The following GRAMD1B variants were observed in gnomAD, a reference collection of about 807,000 sequenced individuals.
GRAMD1B encodes the protein GRAM domain containing 1B.
A neutral mutation model predicts 99.7 loss-of-function variants in GRAMD1B; 37 were observed. The observed-to-expected ratio is 0.37, with a 90% CI of 0.29 to 0.49. The LOEUF (loss-of-function observed/expected upper bound fraction) is 0.49. Ranked by LOEUF, GRAMD1B falls within the 20% of genes least tolerant of loss-of-function variation. The probability of loss-of-function intolerance (pLI) is 0.98; values close to 1 mark genes in which losing one functional copy is unlikely to be tolerated. For synonymous variants in GRAMD1B, 427 were observed against 387.6 expected, an observed-to-expected ratio of 1.10 and a Z score of -1.19; for missense variants, 888 against 1,009.2, an observed-to-expected ratio of 0.88 and a Z score of 1.63.
chr11:123,520,368 C>A (rs575136489), intron 2 of GRAMD1B, among the ~76,000 whole-genome samples: 2 of 152,126 alleles, frequency 1.3e-5, no homozygotes, highest in Non-Finnish European at 2.9e-5. Context: ...GTGCCCTACC[C>A]CCTCTTTATC....
chr11:123,502,774 C>CAAAAAAAAA (rs34321315), intron 2 of GRAMD1B, among the ~76,000 whole-genome samples: 1 of 98,478 alleles, frequency 1.0e-5, no homozygotes, highest in Non-Finnish European at 2.0e-5. Context: ...GACTCCATCT[C>CAAAAAAAAA]AAAAAAAAAA....
chr11:123,408,130 T>C (rs1001015712), intron 1 of GRAMD1B, among the ~76,000 whole-genome samples: 12 of 152,218 alleles, frequency 7.9e-5, no homozygotes, highest in Non-Finnish European at 1.3e-4. Context: ...TGTAGCCTAA[T>C]GGTAAATCCT....
intron 9 of GRAMD1B, among the ~76,000 whole-genome samples, chr11:123,604,309 G>A (rs908003364): frequency 6.6e-6 from 1 of 152,226 alleles, no homozygotes; most frequent in Non-Finnish European, 1.5e-5. Flanking sequence ...CTGCCTGGGA[G>A]CACTCAGTGA....
chr11:123,505,439 G>A (rs574108990), intron 2 of GRAMD1B, among the ~76,000 whole-genome samples: 1 of 152,142 alleles, frequency 6.6e-6, no homozygotes, highest in Non-Finnish European at 1.5e-5. Flanking sequence ...CTGCTCTGGG[G>A]TAAGAGGTCA....
intron 2 of GRAMD1B, among the ~76,000 whole-genome samples, chr11:123,526,857 ACCTTCCAT>A (rs1489596012): frequency 6.6e-6 from 1 of 151,808 alleles, no homozygotes; most frequent in Non-Finnish European, 1.5e-5. Flanking sequence ...GAATATTTTT[ACCTTCCAT>A]TTAAAAAATA....
chr11:123,529,387 C>T (rs1943122357), intron 2 of GRAMD1B, among the ~76,000 whole-genome samples: 1 of 152,180 alleles, frequency 6.6e-6, no homozygotes, highest in South Asian at 2.1e-4. Flanking sequence ...ACTGAGGATG[C>T]TTTTGGATGA....
intron 1 of GRAMD1B, among the ~76,000 whole-genome samples, chr11:123,455,683 T>G (rs1272213980): frequency 6.6e-6 from 1 of 152,186 alleles, no homozygotes; most frequent in Non-Finnish European, 1.5e-5. Context: ...TTCTTCAGCT[T>G]TATTGTCTTT....
chr11:123,517,011 C>A (rs1312584807), intron 2 of GRAMD1B, among the ~76,000 whole-genome samples: 1 of 152,196 alleles, frequency 6.6e-6, no homozygotes, highest in African/African-American at 2.4e-5. Context: ...CCTCCACCTT[C>A]TGGGCTCAAG....
chr11:123,566,771 CAA>C (rs797015346), intron 2 of GRAMD1B, among the ~76,000 whole-genome samples: 16 of 125,826 alleles, frequency 1.3e-4, no homozygotes, highest in Admixed American at 7.9e-5. Context: ...ATCTCAAAAG[CAA>C]AAAAAAAAAA....
chr11:123,510,189 GC>G lies in GRAMD1B; in HGVS notation c.452+29299del, dbSNP rs1344592504. On this transcript the variant is annotated intron_variant, in intron 2 of 19. Transcript: ENST00000635736. The surrounding 1 kb of genome is among the most constrained non-coding windows in gnomAD (Gnocchi z 4.3). ...CTTCTTGAGGTTCTCACACCCGCCTGCCCGCCACCAGCTGCTGACCTTCTCC... is the reference window on the plus strand; with the variant it reads ...CTTCTTGAGGTTCTCACACCCGCCTGCCGCCACCAGCTGCTGACCTTCTCC... Among the ~76,000 whole-genome samples, 1 of 152,146 alleles carries G rather than the reference GC, an allele frequency of 6.6e-6. No homozygotes were observed. Among genetic ancestry groups the G allele is most frequent in the East Asian group, 1.9e-4 (1 of 5,186 alleles).
chr11:123,475,182 A>G (rs1009020359), intron 1 of GRAMD1B, among the ~76,000 whole-genome samples: 7 of 152,124 alleles, frequency 4.6e-5, no homozygotes, highest in Non-Finnish European at 8.8e-5. Flanking sequence ...GGAGGGAGGA[A>G]GGGAGATCAC....
In GRAMD1B at chr11:123,420,753, A is replaced by G. The variant is rs539264007; in HGVS notation, c.-175-60063A>G. ...AAAAGAGAGCAATAGTGAAGTGGAGAAAACACTGGTTTGGGATTCAGAATA... is the reference window on the plus strand; with the variant it reads ...AAAAGAGAGCAATAGTGAAGTGGAGGAAACACTGGTTTGGGATTCAGAATA... On this transcript the variant is annotated intron_variant, in intron 1 of 20. Coordinates refer to the GRAMD1B transcript ENST00000638157. 1.3e-4 allele frequency among the ~76,000 whole-genome samples: 20 copies of G among 152,378 alleles called. No homozygotes were observed. The South Asian group carries it at 4.1e-3, about 32-fold the overall frequency.
At chr11:123,487,428 A>C (rs993334106) in intron 2 of GRAMD1B, among the ~76,000 whole-genome samples, 1 of 152,208 alleles carries the variant, frequency 6.6e-6, no homozygotes, top group African/African-American at 2.4e-5. Flanking sequence ...ATGTTCGGGA[A>C]CCACAAATAC....
intron 1 of GRAMD1B, among the ~76,000 whole-genome samples, chr11:123,383,117 G>A (rs996299907): frequency 1.1e-4 from 16 of 152,132 alleles, no homozygotes; most frequent in African/African-American, 3.6e-4. Context: ...ATGGTAGGTC[G>A]GGTAAAATCT....
At chr11:123,573,394 G>T (rs941316703) in intron 2 of GRAMD1B, among the ~76,000 whole-genome samples, 9 of 152,228 alleles carry the variant, frequency 5.9e-5, no homozygotes, top group African/African-American at 1.7e-4. Flanking sequence ...GGAAAAGAGA[G>T]AATGGATTGA....
rs535212586 is a variant in GRAMD1B, at chr11:123,364,451, T to C, written c.-176+5652T>C. Among the ~76,000 whole-genome samples the C allele has an allele frequency of 4.6e-5, 7 of 152,346 alleles. No individual in the cohort carries two copies. In the East Asian group the frequency reaches 1.3e-3, roughly 29 times the overall value. ...AGGAAAGGCAGGATTGACAGTCTAT[T>C]AAGGGGAAGACAGAAGCCGCTATCC... On this transcript the variant is annotated intron_variant, in intron 1 of 20. Transcript: ENST00000638157.
intron 1 of GRAMD1B, among the ~76,000 whole-genome samples, chr11:123,453,988 A>C (rs1273079503): frequency 1.3e-5 from 2 of 152,230 alleles, no homozygotes; most frequent in East Asian, 3.8e-4. Context: ...CCATGCCAAC[A>C]CTGTTCCTCA....
In GRAMD1B at chr11:123,436,772, C is replaced by CT. The variant is rs550041307; in HGVS notation, c.374+5609dup. On this transcript the variant is annotated intron_variant, in intron 1 of 19. Coordinates refer to ENST00000635736, the MANE Select transcript of GRAMD1B (RefSeq NM_001387025.1). Reference sequence around the variant, plus strand: ...GACGGCACAATTTTTTTTTATTATACTTTAAGTTTTAGGGTACATGTGCAC... The same window carrying CT: ...GACGGCACAATTTTTTTTTATTATACTTTTAAGTTTTAGGGTACATGTGCAC... Among the ~76,000 whole-genome samples, 702 of 152,130 alleles carry CT rather than the reference C, an allele frequency of 4.6e-3. 2 individuals carry two copies. The highest frequency in any genetic ancestry group is 6.8e-3 in the Middle Eastern group (2 of 294).
At chr11:123,553,338 T>TA (rs66530205) in intron 2 of GRAMD1B, among the ~76,000 whole-genome samples, 1 of 62,946 alleles carries the variant, frequency 1.6e-5, no homozygotes, top group Non-Finnish European at 2.7e-5. Context: ...AAATGGGGTT[T>TA]ACCCCTAGTA....
Sources: gnomAD v4.1 joint callset for allele counts (sites outside exome capture counted in the v4.1 genomes callset) on GRCh38, gnomAD v4.1.1 for gene constraint, Gnocchi (gnomAD v3.1) non-coding constraint, MANE v1.5 for transcripts, NCBI Gene and HGNC (gene_info 2026-07-23, HGNC 2026-07-21) for gene names.